The following ZNF503 variants were observed in gnomAD, a reference collection of about 807,000 sequenced individuals.
The protein encoded by ZNF503 is NocA-like zinc finger 2.
Under a neutral mutation model 34.4 loss-of-function variants are expected in ZNF503, and 15 were observed. The observed-to-expected ratio is 0.44, with a 90% confidence interval of 0.29 to 0.67. ZNF503 has a LOEUF of 0.67. ZNF503 is among the 30% of genes least tolerant of loss of function. The pLI, the probability that ZNF503 is intolerant of heterozygous loss-of-function variation, is 0.13. For synonymous variants in ZNF503, 580 were observed against 456.8 expected (o/e 1.27, Z -3.44); for missense variants, 1,007 against 926.8 (o/e 1.09, Z -1.12).
the ZNF503 span, among the ~76,000 whole-genome samples, chr10:75,387,769 G>T: frequency 3.9e-5 from 6 of 151,942 alleles, no homozygotes; most frequent in African/African-American, 7.3e-5. Context: ...GAGGGTGAGG[G>T]GCTGGCTGTT....
the ZNF503 span, among the ~76,000 whole-genome samples, chr10:75,374,561 C>T: frequency 6.6e-6 from 1 of 152,134 alleles, no homozygotes; most frequent in Non-Finnish European, 1.5e-5. Flanking sequence ...GTCAGAGAGG[C>T]CTTTCCTGAC....
chr10:75,378,071 G>A, the ZNF503 span, among the ~76,000 whole-genome samples: 1 of 151,834 alleles, frequency 6.6e-6, no homozygotes, highest in South Asian at 2.1e-4. Flanking sequence ...TCACTATCTC[G>A]AGGACAGCAC....
chr10:75,398,196 C>T lies in ZNF503; in HGVS notation c.*553G>A, dbSNP rs1843725587. Reference sequence around the variant, plus strand: ...CATGTAAATTTGTGTTTCAATCAGACATTAAATAACGTACAATACAATCAT... The same window carrying T: ...CATGTAAATTTGTGTTTCAATCAGATATTAAATAACGTACAATACAATCAT... On this transcript the variant is annotated 3_prime_UTR_variant, in exon 2 of 2. Coordinates refer to ENST00000372524, the MANE Select transcript of ZNF503 (RefSeq NM_032772.6). 6.6e-6 allele frequency: 1 copy of T among 152,376 alleles called. No individual in the cohort carries two copies. Among genetic ancestry groups the T allele is most frequent in the Non-Finnish European group, 1.5e-5 (1 of 68,028 alleles). 9.4% of individuals were successfully genotyped at this position (152,376 alleles called of 1,614,324 possible). A position where few individuals can be genotyped will look rare whatever the true frequency, so the allele number is the denominator to read the frequency against.
chr10:75,309,996 A>T, the ZNF503 span, among the ~76,000 whole-genome samples: 1 of 152,212 alleles, frequency 6.6e-6, no homozygotes, highest in Non-Finnish European at 1.5e-5. Context: ...CACATTCCAT[A>T]TGATTTTTAT....
the ZNF503 span, chr10:75,298,979 T>C: frequency 6.6e-6 from 1 of 151,786 alleles, no homozygotes; most frequent in Non-Finnish European, 1.5e-5. Flanking sequence ...TTGCCCAGGC[T>C]GGAGTGCAAT....
the ZNF503 span, among the ~76,000 whole-genome samples, chr10:75,370,778 C>CAAAAAAAAAAAAAAAAAAAAAAAAA: frequency 1.5e-5 from 1 of 67,974 alleles, no homozygotes; most frequent in African/African-American, 5.9e-5. Flanking sequence ...GGCTCCATCT[C>CAAAAAAAAAAAAAAAAAAAAAAAAA]AAAAAAAAAA....
chr10:75,349,687 G>A, the ZNF503 span, among the ~76,000 whole-genome samples: 1 of 152,218 alleles, frequency 6.6e-6, no homozygotes, highest in Non-Finnish European at 1.5e-5. Flanking sequence ...AATCACTACT[G>A]CCAGTGACGG....
At position 75,398,645 on chromosome 10, in the gene ZNF503, T is replaced by TC; in HGVS notation, c.*103dup. 1 of 1,092,828 alleles carries TC rather than the reference T, an allele frequency of 9.2e-7. No individual in the cohort carries two copies. Among genetic ancestry groups the TC allele is most frequent in the Non-Finnish European group, 1.2e-6 (1 of 849,026 alleles). 67.7% of individuals were successfully genotyped at this position (1,092,828 alleles called of 1,614,324 possible). ...TTCTTTCCTTTCGTGGCCCGAGTCCTCCCCACGCGCGGGTGTCAGCAGCCT... is the reference window on the plus strand; with the variant it reads ...TTCTTTCCTTTCGTGGCCCGAGTCCTCCCCCACGCGCGGGTGTCAGCAGCCT... On this transcript the variant is annotated 3_prime_UTR_variant, in exon 2 of 2. Coordinates refer to ENST00000372524, the MANE Select transcript of ZNF503 (RefSeq NM_032772.6).
chr10:75,395,311 G>C (rs540036338), downstream of ZNF503, among the ~76,000 whole-genome samples: 3 of 152,370 alleles, frequency 2.0e-5, no homozygotes, highest in East Asian at 1.9e-4. This position sits in a 1 kb window ranked among gnomAD's most constrained non-coding sequence, Gnocchi z 4.4. Flanking sequence ...AAGAGCAGGG[G>C]AGACGGTTCG....
chr10:75,323,891 ACTTGGGAGGCTGAGGCAGGAGAATTG>A, the ZNF503 span, among the ~76,000 whole-genome samples: 3 of 150,944 alleles, frequency 2.0e-5, no homozygotes, highest in African/African-American at 7.3e-5. Context: ...AATCCCAGCT[ACTTGGGAGGCTGAGGCAGGAGAATTG>A]CTTAAACCTG....
At chr10:75,365,756 T>C in the ZNF503 span, among the ~76,000 whole-genome samples, 1,754 of 152,282 alleles carry the variant, frequency 0.012, 34 homozygotes, top group African/African-American at 0.04. Flanking sequence ...TGAGTTAATA[T>C]GGTATATGAA....
chr10:75,357,349 C>G, the ZNF503 span, among the ~76,000 whole-genome samples: 3,408 of 131,464 alleles, frequency 0.026, 129 homozygotes, highest in African/African-American at 0.095. Flanking sequence ...GAGGCTCCAT[C>G]TTTACAAAAA....
At chr10:75,327,761 T>A in the ZNF503 span, among the ~76,000 whole-genome samples, 33 of 152,122 alleles carry the variant, frequency 2.2e-4, no homozygotes, top group African/African-American at 6.0e-4. Flanking sequence ...CCAGCATTTT[T>A]AAAAAAATCT....
the ZNF503 span, among the ~76,000 whole-genome samples, chr10:75,386,101 C>T: frequency 1.1e-4 from 16 of 152,332 alleles, no homozygotes; most frequent in Admixed American, 7.2e-4. Flanking sequence ...CATGGAACAA[C>T]GAGAGACTAG....
chr10:75,326,548 G>A, the ZNF503 span, among the ~76,000 whole-genome samples: 1 of 151,878 alleles, frequency 6.6e-6, no homozygotes, highest in Non-Finnish European at 1.5e-5. Flanking sequence ...ATCTTTCATT[G>A]TTCTGGCCTT....
the ZNF503 span, among the ~76,000 whole-genome samples, chr10:75,349,064 C>T: frequency 6.6e-6 from 1 of 152,076 alleles, no homozygotes; most frequent in Non-Finnish European, 1.5e-5. Flanking sequence ...CACCTTATTT[C>T]TAAATATTTC....
chr10:75,330,647 G>A, the ZNF503 span, among the ~76,000 whole-genome samples: 7 of 152,152 alleles, frequency 4.6e-5, no homozygotes, highest in South Asian at 1.5e-3. Context: ...ATAGTTGTTT[G>A]TAATAGTCTC....
chr10:75,346,807 AT>A, the ZNF503 span, among the ~76,000 whole-genome samples: 90,018 of 140,994 alleles, frequency 0.64, 29,113 homozygotes, highest in Middle Eastern at 0.75. Flanking sequence ...ATTAAAAAGA[AT>A]TTTTTTTTTT....
In ZNF503 at chr10:75,401,339, ACCGCCGCCTCCGCCTCCGCCGCCG is replaced by A. The variant is rs1843811093; in HGVS notation, c.57_80del (p.Gly20_Gly27del). ...GCGCGCTGGTCCAGGCAGGGTCTGC[ACCGCCGCCTCCGCCTCCGCCGCCG>A]CCGCCGCCGCTGTGCTTACTGCTTC... On this transcript the variant is annotated inframe_deletion, in exon 1 of 2. Coordinates refer to ENST00000372524, the MANE Select transcript of ZNF503 (RefSeq NM_032772.6). 4 of 1,431,418 alleles carry A rather than the reference ACCGCCGCCTCCGCCTCCGCCGCCG, an allele frequency of 2.8e-6. No homozygotes were observed. The highest frequency in any genetic ancestry group is 1.2e-5 in the South Asian group (1 of 82,906). 88.7% of individuals were successfully genotyped at this position (1,431,418 alleles called of 1,614,324 possible).
Sources: gnomAD v4.1 joint callset for allele counts (sites outside exome capture counted in the v4.1 genomes callset) on GRCh38, gnomAD v4.1.1 for gene constraint, Gnocchi (gnomAD v3.1) non-coding constraint, MANE v1.5 for transcripts, NCBI Gene and HGNC (gene_info 2026-07-23, HGNC 2026-07-21) for gene names.